The following IGFBP5 variants were observed in gnomAD, a reference collection of about 807,000 sequenced individuals.
The protein encoded by IGFBP5 is insulin-like growth factor-binding protein 5.
Under a neutral mutation model 28.0 loss-of-function variants are expected in IGFBP5, and 12 were observed. That is an observed-to-expected ratio of 0.43 (90% CI 0.27 to 0.69). The LOEUF (loss-of-function observed/expected upper bound fraction) is 0.69, where lower values mean the gene tolerates loss of function less well. Ranked by LOEUF, IGFBP5 falls within the 30% of genes least tolerant of loss-of-function variation. The probability of loss-of-function intolerance (pLI) is 0.20; values close to 1 mark genes in which losing one functional copy is unlikely to be tolerated. For missense variants in IGFBP5, 344 were observed against 381.6 expected (o/e 0.90, Z 0.82); for synonymous variants, 152 against 150.2 (o/e 1.01, Z -0.09).
In IGFBP5 at chr2:216,676,440, A is replaced by G; in HGVS notation, c.*311T>C. 1 of 206,640 alleles carries G rather than the reference A, an allele frequency of 4.8e-6. No homozygotes were observed. The highest frequency in any genetic ancestry group is 9.7e-6 in the Non-Finnish European group (1 of 102,860). 12.8% of individuals were successfully genotyped at this position (206,640 alleles called of 1,614,324 possible). A position where few individuals can be genotyped will look rare whatever the true frequency, so the allele number is the denominator to read the frequency against. ...CTATTCGTCTTTCTCTCTCTTCTAC[A>G]CAAACACTTCCTTCCCTTCTCTTCC... On this transcript the variant is annotated 3_prime_UTR_variant, in exon 4 of 4. Coordinates refer to ENST00000233813, the MANE Select transcript of IGFBP5 (RefSeq NM_000599.4).
At chr2:216,686,783 C>T (rs2106222914) in intron 1 of IGFBP5, among the ~76,000 whole-genome samples, 1 of 150,938 alleles carries the variant, frequency 6.6e-6, no homozygotes. Context: ...TCTCCTGCCT[C>T]AGCCTCTTGA....
intron 1 of IGFBP5, among the ~76,000 whole-genome samples, chr2:216,688,576 T>C (rs1208970759): frequency 6.6e-6 from 1 of 152,192 alleles, no homozygotes; most frequent in Admixed American, 6.5e-5. Flanking sequence ...AGAGTCATCC[T>C]GGCTGAGGTG....
Position 216,692,211 on chromosome 2 carries a change from T to A in IGFBP5, c.337+2228A>T, listed in dbSNP as rs1035101039. Among the ~76,000 whole-genome samples the A allele has an allele frequency of 6.6e-6, 1 of 152,050 alleles. No homozygotes were observed. Among genetic ancestry groups the A allele is most frequent in the Non-Finnish European group, 1.5e-5 (1 of 67,994 alleles). On this transcript the variant is annotated intron_variant, in intron 1 of 3. Transcript: ENST00000233813. The surrounding 1 kb of genome is among the most constrained non-coding windows in gnomAD (Gnocchi z 4.2). Reference sequence around the variant, plus strand: ...CCGCAACAGCAGCCGGCCGGGCACCTGCCTTCGGCGGGGTGGAGTCGGAGA... The same window carrying A: ...CCGCAACAGCAGCCGGCCGGGCACCAGCCTTCGGCGGGGTGGAGTCGGAGA...
At chr2:216,693,856 G>C (rs1413154093) in intron 1 of IGFBP5, among the ~76,000 whole-genome samples, 1 of 152,054 alleles carries the variant, frequency 6.6e-6, no homozygotes, top group Non-Finnish European at 1.5e-5. Flanking sequence ...AAAGGCATTA[G>C]CTACCAAGGA....
chr2:216,681,785 G>C (rs1003662562), intron 1 of IGFBP5, among the ~76,000 whole-genome samples: 3 of 152,186 alleles, frequency 2.0e-5, no homozygotes, highest in Non-Finnish European at 4.4e-5. Flanking sequence ...GTGGCCCACA[G>C]CCTTCCCTCA....
At position 216,694,416 on chromosome 2, in the gene IGFBP5, A is replaced by C; in HGVS notation, c.337+23T>G. 6.7e-7 allele frequency: 1 copy of C among 1,484,916 alleles called. No homozygotes were observed. Among genetic ancestry groups the C allele is most frequent in the African/African-American group, 1.4e-5 (1 of 70,006 alleles). 92.0% of individuals were successfully genotyped at this position (1,484,916 alleles called of 1,614,324 possible). On this transcript the variant is annotated intron_variant, in intron 1 of 3. Coordinates refer to ENST00000233813, the MANE Select transcript of IGFBP5 (RefSeq NM_000599.4). This position sits in a 1 kb window ranked among gnomAD's most constrained non-coding sequence, Gnocchi z 5.2. ...CCCCCGCCCGTGCGCCGCGTAACTG[A>C]CTGGCACACTGAGCGCGCTCACCGA...
chr2:216,680,612 C>T (rs545892156), intron 1 of IGFBP5, among the ~76,000 whole-genome samples: 97 of 152,308 alleles, frequency 6.4e-4, no homozygotes, highest in African/African-American at 2.3e-3. Context: ...TTTGTCAAGT[C>T]TAATGAAATA....
intron 1 of IGFBP5, among the ~76,000 whole-genome samples, chr2:216,686,255 C>A (rs1257014422): frequency 6.6e-6 from 1 of 152,180 alleles, no homozygotes; most frequent in Non-Finnish European, 1.5e-5. Flanking sequence ...AATACAGACA[C>A]CATGTAGTAT....
rs1559184239 is a variant in IGFBP5, at chr2:216,672,321, G to GTTT, written c.*4429_*4430insAAA. ...TCAGGTGTTTTTTTTTTTTTTTTCG[G>GTTT]CTTTTTTTTTTTTTTCTCACAAACT... On this transcript the variant is annotated 3_prime_UTR_variant, in exon 4 of 4. Transcript: ENST00000233813. The GTTT allele has an allele frequency of 1.6e-5, 2 of 124,478 alleles. No individual in the cohort carries two copies. Among genetic ancestry groups the GTTT allele is most frequent in the African/African-American group, 6.5e-5 (2 of 30,610 alleles). 7.7% of individuals were successfully genotyped at this position (124,478 alleles called of 1,614,324 possible). A position where few individuals can be genotyped will look rare whatever the true frequency, so the allele number is the denominator to read the frequency against.
chr2:216,678,284 G>A (rs1000191345), intron 2 of IGFBP5, 53 bp from the exon 3 acceptor site: 126 of 1,458,242 alleles, frequency 8.6e-5, no homozygotes, highest in Non-Finnish European at 1.0e-4. Context: ...AAACCACCCA[G>A]CTGCGCTGAC....
At position 216,678,973 on chromosome 2, in the gene IGFBP5, C is replaced by A; in HGVS notation, c.444G>T (p.Lys148Asn). The A allele has an allele frequency of 6.2e-7, 1 of 1,614,186 alleles. No individual in the cohort carries two copies. The highest frequency in any genetic ancestry group is 8.5e-7 in the Non-Finnish European group (1 of 1,180,042). ...RPKHTRISEL[K>N]AEAVKKDRRK... Reference sequence around the variant, plus strand: ...TGCGGTCCTTCTTCACTGCTTCAGCCTTCAGCTCGGAGATGCGGGTGTGTT... The same window carrying A: ...TGCGGTCCTTCTTCACTGCTTCAGCATTCAGCTCGGAGATGCGGGTGTGTT... The change falls in exon 2 of 4, where the codon AAG becomes AAT. Residue 148 changes from lysine (K) to asparagine (N), a missense_variant. Lys to Asn is a moderately conservative substitution (Grantham distance 94). Around this residue, in one of 3 missense-constraint regions of IGFBP5, gnomAD observed 304 missense variants for 329.2 expected, o/e 0.92. Coordinates refer to ENST00000233813, the MANE Select transcript of IGFBP5 (RefSeq NM_000599.4).
intron 3 of IGFBP5, 94 bp from the exon 4 acceptor site, chr2:216,676,976 C>G: frequency 7.0e-7 from 1 of 1,421,598 alleles, no homozygotes; most frequent in South Asian, 1.3e-5. Context: ...AGGCAAGACT[C>G]TCATCCCCAG....
chr2:216,684,655 T>G (rs1655854532), intron 1 of IGFBP5, among the ~76,000 whole-genome samples: 1 of 152,240 alleles, frequency 6.6e-6, no homozygotes, highest in African/African-American at 2.4e-5. Flanking sequence ...CCCTGTGGAA[T>G]TTAAACAGCC....
In IGFBP5 at chr2:216,694,879, G is replaced by A; in HGVS notation, c.-104C>T. 1 of 857,214 alleles carries A rather than the reference G, an allele frequency of 1.2e-6. No homozygotes were observed. Among genetic ancestry groups the A allele is most frequent in the Non-Finnish European group, 1.6e-6 (1 of 633,182 alleles). 53.1% of individuals were successfully genotyped at this position (857,214 alleles called of 1,614,324 possible). On this transcript the variant is annotated 5_prime_UTR_variant, in exon 1 of 4. Transcript: ENST00000233813. The surrounding 1 kb of genome is among the most constrained non-coding windows in gnomAD (Gnocchi z 5.2). ...CGGAGATTTTTTTGTTTTTGTTTTT[G>A]TTTTAAAATTTCTGGCAGGTAGAGC...
chr2:216,687,206 G>A (rs1250303443), intron 1 of IGFBP5, among the ~76,000 whole-genome samples: 1 of 152,206 alleles, frequency 6.6e-6, no homozygotes, highest in Non-Finnish European at 1.5e-5. Flanking sequence ...GCCAACACCA[G>A]GTGAGGACTT....
chr2:216,678,008 A>C (rs1292024538), intron 3 of IGFBP5, 104 bp downstream of exon 3: 1 of 1,116,804 alleles, frequency 9.0e-7, no homozygotes. Context: ...GGAAACACTA[A>C]GTGGTTAACG....
intron 3 of IGFBP5, 98 bp from the exon 4 acceptor site, chr2:216,676,980 TC>T: frequency 7.3e-7 from 1 of 1,370,302 alleles, no homozygotes; most frequent in South Asian, 1.4e-5. Flanking sequence ...AAGACTCTCA[TC>T]CCCAGAGAGT....
At position 216,692,832 on chromosome 2, in the gene IGFBP5, C is replaced by T. The variant is rs1033943113; in HGVS notation, c.337+1607G>A. Among the ~76,000 whole-genome samples the T allele has an allele frequency of 6.6e-6, 1 of 152,022 alleles. No homozygotes were observed. Among genetic ancestry groups the T allele is most frequent in the Non-Finnish European group, 1.5e-5 (1 of 67,976 alleles). On this transcript the variant is annotated intron_variant, in intron 1 of 3. Coordinates refer to ENST00000233813, the MANE Select transcript of IGFBP5 (RefSeq NM_000599.4). The surrounding 1 kb of genome is among the most constrained non-coding windows in gnomAD (Gnocchi z 4.2). ...CTCTTGCAAAGCTAGAGGGGCTGGC[C>T]CCTGCGCCACTCAAACCCTGCAGGG...
chr2:216,685,867 CA>C (rs1394189055), intron 1 of IGFBP5, among the ~76,000 whole-genome samples: 3 of 152,066 alleles, frequency 2.0e-5, no homozygotes, highest in Non-Finnish European at 4.4e-5. Context: ...TCTCAGAAGA[CA>C]TTTTTTTTTG....
Sources: allele counts gnomAD v4.1 joint callset (sites outside exome capture counted in the v4.1 genomes callset), GRCh38; gene constraint gnomAD v4.1.1; regional missense constraint gnomAD v4.1.1; non-coding constraint Gnocchi (gnomAD v3.1); transcripts MANE v1.5; gene names NCBI Gene and HGNC (gene_info 2026-07-23, HGNC 2026-07-21).